Variants in GAS7 observed in about 807,000 individuals in gnomAD.
GAS7 encodes the protein growth arrest specific 7, also known as growth arrest-specific protein 7.
GAS7 carries 28 observed loss-of-function variants against 71.1 expected under a neutral mutation model. That is an observed-to-expected ratio of 0.39 (90% confidence interval 0.29 to 0.54). The LOEUF is 0.54. Ranked by LOEUF, GAS7 falls within the 20% of genes least tolerant of loss-of-function variation. GAS7 has a pLI of 0.62. For synonymous variants in GAS7, 258 were observed against 245.8 expected (o/e 1.05, Z -0.46); for missense variants, 436 against 627.8 (o/e 0.69, Z 3.27).
intron 3 of GAS7, among the ~76,000 whole-genome samples, chr17:9,979,610 G>C (rs1469927803): frequency 6.6e-6 from 1 of 152,162 alleles, no homozygotes; most frequent in Non-Finnish European, 1.5e-5. Flanking sequence ...AGGAGAGCAG[G>C]CTTTGGAGAA....
chr17:10,085,292 G>GA (rs1429125821), intron 1 of GAS7, among the ~76,000 whole-genome samples: 1 of 152,144 alleles, frequency 6.6e-6, no homozygotes, highest in Non-Finnish European at 1.5e-5. Flanking sequence ...CTGGAGTGTG[G>GA]ACACCTGTCC....
chr17:10,005,192 C>T (rs572734093), intron 2 of GAS7, among the ~76,000 whole-genome samples: 21 of 101,288 alleles, frequency 2.1e-4, no homozygotes, highest in African/African-American at 9.6e-4. Context: ...TGTATGTGCA[C>T]GCATGCATGT....
At chr17:10,164,686 TGAAAAAAAAAA>T (rs2074279898) in intron 1 of GAS7, among the ~76,000 whole-genome samples, 1 of 143,888 alleles carries the variant, frequency 6.9e-6, no homozygotes, top group Non-Finnish European at 1.5e-5. Flanking sequence ...TCTTTAAAAA[TGAAAAAAAAAA>T]GAAAAGAAAA....
intron 1 of GAS7, among the ~76,000 whole-genome samples, chr17:10,161,935 C>T (rs563956251): frequency 2.0e-5 from 3 of 152,138 alleles, no homozygotes; most frequent in Admixed American, 1.3e-4. Flanking sequence ...GGCGTGGTGG[C>T]GGGCGCCTGT....
At chr17:10,188,128 A>T (rs777471325) in intron 1 of GAS7, among the ~76,000 whole-genome samples, 5 of 152,096 alleles carry the variant, frequency 3.3e-5, no homozygotes, top group Non-Finnish European at 7.4e-5. Flanking sequence ...CTGTAATCCC[A>T]GCTACTCGGG....
At chr17:10,197,993 G>C (rs1259363533) in intron 1 of GAS7, among the ~76,000 whole-genome samples, 1 of 152,144 alleles carries the variant, frequency 6.6e-6, no homozygotes, top group Non-Finnish European at 1.5e-5. Context: ...CAAGGTGGAA[G>C]CTCCCCGCGA....
At chr17:9,964,561 C>T (rs746990601) in intron 4 of GAS7, among the ~76,000 whole-genome samples, 1 of 152,182 alleles carries the variant, frequency 6.6e-6, no homozygotes, top group African/African-American at 2.4e-5. Context: ...TATTCCCTCC[C>T]CTGGAAAGCT....
chr17:9,990,420 A>G (rs1275939770), intron 2 of GAS7, among the ~76,000 whole-genome samples: 1 of 152,206 alleles, frequency 6.6e-6, no homozygotes, highest in Non-Finnish European at 1.5e-5. Flanking sequence ...GTCTGTTACA[A>G]CCTAGTCTCA....
At chr17:10,029,948 T>C (rs554948054) in intron 1 of GAS7, among the ~76,000 whole-genome samples, 121 of 151,826 alleles carry the variant, frequency 8.0e-4, no homozygotes, top group African/African-American at 2.9e-3. Flanking sequence ...CCGAGGGAGA[T>C]GGAAACAAAA....
chr17:10,024,407 C>A (rs185288817), intron 1 of GAS7, among the ~76,000 whole-genome samples: 2 of 152,282 alleles, frequency 1.3e-5, no homozygotes, highest in Admixed American at 1.3e-4. Flanking sequence ...GTGGCTTTTT[C>A]CCTTCAATTC....
rs2074157273 is a variant in GAS7 at position 10,150,579 on chromosome 17, GC to G, written c.183+47628del. Reference sequence around the variant, plus strand: ...GGAGTCATCTGGACTCAGTAATGAGGCTGTTACATTTCTTTTTTTTTTTTTT... The same window carrying G: ...GGAGTCATCTGGACTCAGTAATGAGGTGTTACATTTCTTTTTTTTTTTTTT... On this transcript the variant is annotated intron_variant, in intron 1 of 13. Transcript: ENST00000432992. Among the ~76,000 whole-genome samples the G allele has an allele frequency of 3.3e-5, 4 of 120,652 alleles. No individual in the cohort carries two copies. In the South Asian group the frequency reaches 1.1e-3, roughly 33 times the overall value. The allele number at this position is 120,652 out of a possible 152,430, so 79.2% of individuals were successfully genotyped here. A position where few individuals can be genotyped will look rare whatever the true frequency, so the allele number is the denominator to read the frequency against.
intron 1 of GAS7, among the ~76,000 whole-genome samples, chr17:10,133,291 C>G (rs1204111583): frequency 6.6e-6 from 1 of 151,762 alleles, no homozygotes; most frequent in Non-Finnish European, 1.5e-5. Context: ...CCCAGCTAAA[C>G]TTTGTATTTT....
chr17:10,135,889 G>A (rs2074033860), intron 1 of GAS7, among the ~76,000 whole-genome samples: 1 of 152,124 alleles, frequency 6.6e-6, no homozygotes, highest in Non-Finnish European at 1.5e-5. Context: ...AAACAGTAGG[G>A]GAAGACTTGA....
intron 2 of GAS7, among the ~76,000 whole-genome samples, chr17:9,993,174 C>T (rs1230650446): frequency 6.6e-6 from 1 of 150,986 alleles, no homozygotes; most frequent in Non-Finnish European, 1.5e-5. Flanking sequence ...CCTGAGGAAT[C>T]GCCACACTGA....
At chr17:9,953,458 G>T (rs932137588) in intron 5 of GAS7, among the ~76,000 whole-genome samples, 1 of 152,188 alleles carries the variant, frequency 6.6e-6, no homozygotes, top group Non-Finnish European at 1.5e-5. Context: ...CTGCAGGGGA[G>T]CCCTGACTCA....
chr17:9,990,855 C>T (rs986974868), intron 2 of GAS7, among the ~76,000 whole-genome samples: 1 of 152,204 alleles, frequency 6.6e-6, no homozygotes, highest in African/African-American at 2.4e-5. Context: ...TTGTGGTATA[C>T]TCTAAGGTCT....
intron 1 of GAS7, among the ~76,000 whole-genome samples, chr17:10,071,954 G>T (rs1007403152): frequency 1.5e-5 from 2 of 137,292 alleles, no homozygotes; most frequent in African/African-American, 5.6e-5. Flanking sequence ...AAAAAAAAAA[G>T]AAAAGAAAAA....
chr17:10,139,812 C>T (rs1215472157), intron 1 of GAS7, among the ~76,000 whole-genome samples: 2 of 152,216 alleles, frequency 1.3e-5, no homozygotes, highest in Admixed American at 1.3e-4. Context: ...TGCTGATCTG[C>T]TGACTTGCCT....
chr17:9,956,207 G>C (rs1312389670), intron 5 of GAS7, among the ~76,000 whole-genome samples: 1 of 152,198 alleles, frequency 6.6e-6, no homozygotes, highest in African/African-American at 2.4e-5. Context: ...GCAGAGAAGG[G>C]AAAATGGTTT....
Sources: allele counts gnomAD v4.1 joint callset (sites outside exome capture counted in the v4.1 genomes callset), GRCh38; gene constraint gnomAD v4.1.1; transcripts MANE v1.5; gene names NCBI Gene and HGNC (gene_info 2026-07-23, HGNC 2026-07-21).